Variants in PPM1E observed in about 807,000 individuals in gnomAD.
PPM1E encodes protein phosphatase 1E.
In PPM1E, 20 loss-of-function variants were observed where a neutral mutation model predicts 65.9. The ratio of observed to expected loss-of-function variants is 0.30; its 90% CI spans 0.21 to 0.44. The LOEUF (loss-of-function observed/expected upper bound fraction) is 0.44, where lower values mean the gene tolerates loss of function less well. PPM1E is among the 20% of genes least tolerant of loss of function. The probability of loss-of-function intolerance (pLI) is 1.00; values close to 1 mark genes in which losing one functional copy is unlikely to be tolerated. For synonymous variants in PPM1E, 352 were observed against 374.9 expected, an observed-to-expected ratio of 0.94 and a Z score of 0.70; for missense variants, 713 against 953.1, an observed-to-expected ratio of 0.75 and a Z score of 3.32.
At chr17:58,952,653 G>T (rs1219584387) in intron 1 of PPM1E, among the ~76,000 whole-genome samples, 1 of 152,164 alleles carries the variant, frequency 6.6e-6, no homozygotes, top group African/African-American at 2.4e-5. Context: ...AGCCCGTGGG[G>T]CTGGAGTACT....
chr17:58,817,371 C>G (rs1027409828), intron 1 of PPM1E, among the ~76,000 whole-genome samples: 1 of 152,030 alleles, frequency 6.6e-6, no homozygotes, highest in African/African-American at 2.4e-5. Flanking sequence ...ATGCATTGTG[C>G]TTTAACAGAT....
At chr17:58,862,764 C>A (rs148160008) in intron 1 of PPM1E, among the ~76,000 whole-genome samples, 98 of 152,182 alleles carry the variant, frequency 6.4e-4, no homozygotes, top group African/African-American at 2.2e-3. Context: ...TATTAGGGCC[C>A]CAATGAGTTA....
chr17:58,758,421 A>G (rs2049790244), intron 1 of PPM1E, among the ~76,000 whole-genome samples: 1 of 151,944 alleles, frequency 6.6e-6, no homozygotes, highest in Non-Finnish European at 1.5e-5. Flanking sequence ...CCAGATACTC[A>G]GGAGGCTGAG....
At chr17:58,877,145 A>C (rs1330985807) in intron 1 of PPM1E, among the ~76,000 whole-genome samples, 1 of 152,216 alleles carries the variant, frequency 6.6e-6, no homozygotes, top group Non-Finnish European at 1.5e-5. Context: ...GTTTGAATTT[A>C]AGATGACGTT....
chr17:58,756,248 A>G lies in PPM1E; in HGVS notation c.251A>G (p.Asp84Gly). 6.4e-7 allele frequency: 1 copy of G among 1,550,708 alleles called. No homozygotes were observed. Among genetic ancestry groups the G allele is most frequent in the African/African-American group, 1.4e-5 (1 of 73,034 alleles). ...ACGGAGGAGGGGGACCAGGAGCAAG[A>G]CCCGGAGCCCGAGGAGGAGGCGGCG... The part of the protein sequence containing the change: ...AATEEGDQEQ[D>G]PEPEEEAAVE... The change falls in exon 1 of 7, where the codon GAC (aspartate) becomes GGC (glycine). Residue 84 changes from aspartate to glycine, a missense_variant. Asp to Gly is a moderately conservative substitution (Grantham distance 94). Around this residue, in one of 6 missense-constraint regions of PPM1E, gnomAD observed 212 missense variants for 204.0 expected, o/e 1.04. Coordinates refer to ENST00000308249, the MANE Select transcript of PPM1E (RefSeq NM_014906.5).
At chr17:58,903,810 T>TA (rs1214573570) in intron 1 of PPM1E, among the ~76,000 whole-genome samples, 1 of 152,218 alleles carries the variant, frequency 6.6e-6, no homozygotes, top group African/African-American at 2.4e-5. Context: ...CTTCTTGTTG[T>TA]AAAAAACAGA....
intron 2 of PPM1E, among the ~76,000 whole-genome samples, chr17:58,962,796 A>T (rs2030073203): frequency 6.6e-6 from 1 of 152,146 alleles, no homozygotes; most frequent in Non-Finnish European, 1.5e-5. Context: ...TGCTAACAGT[A>T]GGGACAGGCA....
chr17:58,883,426 C>T (rs951664665), intron 1 of PPM1E, among the ~76,000 whole-genome samples: 3 of 148,262 alleles, frequency 2.0e-5, no homozygotes, highest in Non-Finnish European at 4.5e-5. Flanking sequence ...TAATTTTAGT[C>T]TCTATTTTCC....
intron 1 of PPM1E, among the ~76,000 whole-genome samples, chr17:58,768,665 TTTTTA>T (rs1391823512): frequency 2.0e-5 from 3 of 152,200 alleles, no homozygotes; most frequent in Non-Finnish European, 4.4e-5. Context: ...TTTATTTTTA[TTTTTA>T]TTTTATTTTA....
At chr17:58,822,329 TA>T (rs1400789038) in intron 1 of PPM1E, among the ~76,000 whole-genome samples, 238 of 3,256 alleles carry the variant, frequency 0.073, no homozygotes, top group Non-Finnish European at 0.23. Flanking sequence ...AATTTATTTT[TA>T]TTTATTTATT....
At position 58,982,645 on chromosome 17, in the gene PPM1E, A is replaced by G. The variant is rs1051529552; in HGVS notation, c.*1614A>G. ...AGACAAAAACAGCTTCACTTTAGCA[A>G]TGATCAGATTGTTAATCTACAGATT... On this transcript the variant is annotated 3_prime_UTR_variant, in exon 7 of 7. Coordinates refer to ENST00000308249, the MANE Select transcript of PPM1E (RefSeq NM_014906.5). 6.5e-6 allele frequency: 3 copies of G among 461,428 alleles called. No individual in the cohort carries two copies. Among genetic ancestry groups the G allele is most frequent in the African/African-American group, 5.9e-5 (3 of 50,652 alleles). 28.6% of individuals were successfully genotyped at this position (461,428 alleles called of 1,614,324 possible).
rs1462818063 is a variant in PPM1E, at chr17:58,981,887, ATACAC to A, written c.*859_*863del. 1 of 152,666 alleles carries A rather than the reference ATACAC, an allele frequency of 6.6e-6. No individual in the cohort carries two copies. The highest frequency in any genetic ancestry group is 2.4e-5 in the African/African-American group (1 of 41,464). 9.5% of individuals were successfully genotyped at this position (152,666 alleles called of 1,614,324 possible). A position where few individuals can be genotyped will look rare whatever the true frequency, so the allele number is the denominator to read the frequency against. On this transcript the variant is annotated 3_prime_UTR_variant, in exon 7 of 7. Transcript: ENST00000308249. ...TTAACGGAGATGATGTCAGGTACAA[ATACAC>A]TATAGAGTCAAAATACCATTTACAA...
chr17:58,973,245 A>T (rs1047128978), intron 6 of PPM1E, among the ~76,000 whole-genome samples: 2 of 151,636 alleles, frequency 1.3e-5, no homozygotes, highest in Non-Finnish European at 2.9e-5. Flanking sequence ...GTGAAACCCC[A>T]TCTCTATTAA....
At chr17:58,937,451 A>G (rs1490947560) in intron 1 of PPM1E, among the ~76,000 whole-genome samples, 3 of 149,782 alleles carry the variant, frequency 2.0e-5, no homozygotes, top group Non-Finnish European at 4.5e-5. Flanking sequence ...TTTAGTAGAG[A>G]CGGGGTTTCA....
intron 1 of PPM1E, among the ~76,000 whole-genome samples, chr17:58,787,799 C>T (rs60099808): frequency 2.0e-5 from 3 of 149,766 alleles, no homozygotes; most frequent in East Asian, 2.0e-4. Context: ...CCCAGCTACT[C>T]GGGAGGCTGA....
chr17:58,773,025 A>G (rs1383563584), intron 1 of PPM1E, among the ~76,000 whole-genome samples: 1 of 151,046 alleles, frequency 6.6e-6, no homozygotes, highest in Non-Finnish European at 1.5e-5. Context: ...CCTGATGCCA[A>G]GCTGTGTGGG....
chr17:58,950,409 T>C (rs34852567), intron 1 of PPM1E, among the ~76,000 whole-genome samples: 22,569 of 152,138 alleles, frequency 0.15, 2,068 homozygotes, highest in Middle Eastern at 0.21. Context: ...AGAAGACTTG[T>C]TTGGGTTGAA....
intron 1 of PPM1E, among the ~76,000 whole-genome samples, chr17:58,863,540 C>T (rs1043961067): frequency 2.6e-5 from 4 of 152,190 alleles, no homozygotes; most frequent in African/African-American, 9.7e-5. Flanking sequence ...CTTTTTGCCT[C>T]ATTGTGAGGG....
chr17:58,941,899 G>T (rs1464419288), intron 1 of PPM1E, among the ~76,000 whole-genome samples: 1 of 151,572 alleles, frequency 6.6e-6, no homozygotes, highest in Non-Finnish European at 1.5e-5. Flanking sequence ...CAGCTACTCG[G>T]GGGAGTGAGG....
Sources: gnomAD v4.1 joint callset for allele counts (sites outside exome capture counted in the v4.1 genomes callset) on GRCh38, gnomAD v4.1.1 for gene constraint, gnomAD v4.1.1 regional missense constraint, MANE v1.5 for transcripts, NCBI Gene and HGNC (gene_info 2026-07-23, HGNC 2026-07-21) for gene names.